Variants in ZNF385B observed in about 807,000 individuals in gnomAD.
ZNF385B encodes zinc finger protein 385B, also known as zinc finger protein 533.
Under a neutral mutation model 39.2 loss-of-function variants are expected in ZNF385B, and 23 were observed. That is an observed-to-expected ratio of 0.59 (90% CI 0.42 to 0.83). The LOEUF is 0.83. ZNF385B is among the 40% of genes least tolerant of loss of function. ZNF385B has a pLI of 0.00. For missense variants in ZNF385B, 552 were observed against 598.9 expected, an observed-to-expected ratio of 0.92 and a Z score of 0.82; for synonymous variants, 205 against 222.6, an observed-to-expected ratio of 0.92 and a Z score of 0.70.
intron 3 of ZNF385B, among the ~76,000 whole-genome samples, chr2:179,672,025 G>T (rs11883814): frequency 0.028 from 4,265 of 152,348 alleles, 194 homozygotes; most frequent in African/African-American, 0.096. Context: ...ACTCTTGAGA[G>T]CTGTGACATG....
At chr2:179,842,617 CAT>C (rs1047348789) in intron 1 of ZNF385B, among the ~76,000 whole-genome samples, 3 of 152,026 alleles carry the variant, frequency 2.0e-5, no homozygotes, top group Admixed American at 6.6e-5. Context: ...TTGAAAAATT[CAT>C]ATGTTCCTAC....
chr2:179,692,504 AC>A (rs760012769), intron 3 of ZNF385B, among the ~76,000 whole-genome samples: 3 of 151,886 alleles, frequency 2.0e-5, no homozygotes, highest in Non-Finnish European at 4.4e-5. Context: ...GACCTCCCCA[AC>A]CCCATGTCAG....
At chr2:179,610,785 GT>G (rs2106131648) in intron 3 of ZNF385B, among the ~76,000 whole-genome samples, 1 of 151,768 alleles carries the variant, frequency 6.6e-6, no homozygotes, top group Admixed American at 6.6e-5. Context: ...TAATTCCTAG[GT>G]ATTTAATTTG....
chr2:179,686,400 T>A (rs1045270524), intron 3 of ZNF385B, among the ~76,000 whole-genome samples: 4 of 152,200 alleles, frequency 2.6e-5, no homozygotes, highest in Admixed American at 2.0e-4. Context: ...TTATAAAAAT[T>A]CAATAAAATT....
At chr2:179,734,687 T>C (rs1307961950) in intron 3 of ZNF385B, among the ~76,000 whole-genome samples, 2 of 152,218 alleles carry the variant, frequency 1.3e-5, no homozygotes, top group African/African-American at 2.4e-5. Context: ...ACATAGACCC[T>C]ATCCTCAAAG....
chr2:179,842,635 G>T (rs1708595754), intron 1 of ZNF385B, among the ~76,000 whole-genome samples: 1 of 151,942 alleles, frequency 6.6e-6, no homozygotes, highest in Admixed American at 6.6e-5. Context: ...CCTACAAAAT[G>T]TCACTGGCCC....
At chr2:179,654,277 CA>C (rs2106255839) in intron 3 of ZNF385B, among the ~76,000 whole-genome samples, 1 of 152,122 alleles carries the variant, frequency 6.6e-6, no homozygotes, top group South Asian at 2.1e-4. Flanking sequence ...AGTGGAATTG[CA>C]AAAATAGAGT....
At chr2:179,835,347 T>C (rs927213764) in intron 1 of ZNF385B, among the ~76,000 whole-genome samples, 2 of 152,126 alleles carry the variant, frequency 1.3e-5, no homozygotes, top group African/African-American at 4.8e-5. Context: ...CAAAGTAAAA[T>C]GTTGGGCAGG....
At chr2:179,658,113 C>T (rs1451906568) in intron 3 of ZNF385B, among the ~76,000 whole-genome samples, 1 of 152,146 alleles carries the variant, frequency 6.6e-6, no homozygotes, top group African/African-American at 2.4e-5. Flanking sequence ...TGCAGGATCC[C>T]TTTTAAAAAA....
chr2:179,517,621 T>C (rs941476826), intron 5 of ZNF385B, among the ~76,000 whole-genome samples: 1 of 152,128 alleles, frequency 6.6e-6, no homozygotes, highest in African/African-American at 2.4e-5. Context: ...CTAAACAACA[T>C]TAATTCTGTA....
At chr2:179,519,296 A>G (rs2058318209) in intron 4 of ZNF385B, among the ~76,000 whole-genome samples, 1 of 152,212 alleles carries the variant, frequency 6.6e-6, no homozygotes, top group Non-Finnish European at 1.5e-5. Context: ...AGAGCACAGA[A>G]AGTATTGACT....
chr2:179,781,361 CT>C (rs1180276759), intron 1 of ZNF385B, among the ~76,000 whole-genome samples: 1 of 152,056 alleles, frequency 6.6e-6, no homozygotes, highest in Non-Finnish European at 1.5e-5. Flanking sequence ...ATATATTCAC[CT>C]GATTTATGAC....
chr2:179,648,465 T>C (rs1165083533), intron 3 of ZNF385B, among the ~76,000 whole-genome samples: 1 of 152,102 alleles, frequency 6.6e-6, no homozygotes, highest in Non-Finnish European at 1.5e-5. Flanking sequence ...TATAAATGGA[T>C]GCACATGTGC....
intron 1 of ZNF385B, among the ~76,000 whole-genome samples, chr2:179,801,041 T>C (rs1705997509): frequency 6.6e-6 from 1 of 152,102 alleles, no homozygotes; most frequent in Non-Finnish European, 1.5e-5. Context: ...AAACAAAGCC[T>C]ACACCTTCCA....
At chr2:179,817,874 C>A (rs775913554) in intron 1 of ZNF385B, among the ~76,000 whole-genome samples, 5 of 152,098 alleles carry the variant, frequency 3.3e-5, no homozygotes, top group Admixed American at 2.6e-4. Flanking sequence ...CATGCGCATA[C>A]GCAATTTTCC....
chr2:179,698,537 A>G (rs1341593290), intron 3 of ZNF385B, among the ~76,000 whole-genome samples: 1 of 152,206 alleles, frequency 6.6e-6, no homozygotes, highest in Admixed American at 6.5e-5. Flanking sequence ...ATCAAGGGCA[A>G]CTACTTCTTC....
At chr2:179,497,538 A>G (rs1465619735) in intron 5 of ZNF385B, among the ~76,000 whole-genome samples, 1 of 151,842 alleles carries the variant, frequency 6.6e-6, no homozygotes, top group Non-Finnish European at 1.5e-5. Flanking sequence ...GTAAACTCAA[A>G]CCAAAAAAAA....
At chr2:179,820,448 T>C (rs1707335702) in intron 1 of ZNF385B, among the ~76,000 whole-genome samples, 1 of 151,950 alleles carries the variant, frequency 6.6e-6, no homozygotes, top group Non-Finnish European at 1.5e-5. Context: ...GCTTAGTCAG[T>C]TCTATTGTTT....
intron 3 of ZNF385B, among the ~76,000 whole-genome samples, chr2:179,733,471 G>A (rs752367509): frequency 6.6e-6 from 1 of 152,086 alleles, no homozygotes; most frequent in South Asian, 2.1e-4. Flanking sequence ...TTCTCAAAGT[G>A]AGCCATGTGT....
Sources: gnomAD v4.1 joint callset for allele counts (sites outside exome capture counted in the v4.1 genomes callset) on GRCh38, gnomAD v4.1.1 for gene constraint, MANE v1.5 for transcripts, NCBI Gene and HGNC (gene_info 2026-07-23, HGNC 2026-07-21) for gene names.